Variants in NBL1 observed in about 807,000 individuals in gnomAD.
NBL1 encodes NBL1, DAN family BMP antagonist, also known as neuroblastoma suppressor of tumorigenicity 1.
NBL1 carries 9 observed loss-of-function variants against 16.0 expected under a neutral mutation model. That is an observed-to-expected ratio of 0.56 (90% CI 0.34 to 0.98). NBL1 has a LOEUF of 0.98. NBL1 is among the 50% of genes least tolerant of loss of function. NBL1 has a pLI of 0.02. For synonymous variants in NBL1, 86 were observed against 100.7 expected (o/e 0.85, Z 0.87); for missense variants, 196 against 243.1 (o/e 0.81, Z 1.29).
chr1:19,654,095 T>C (rs917363495), intron 1 of NBL1, among the ~76,000 whole-genome samples: 1 of 152,204 alleles, frequency 6.6e-6, no homozygotes, highest in African/African-American at 2.4e-5. Flanking sequence ...GCCTGAGGTC[T>C]GGCCAGCCAA....
Position 19,646,267 on chromosome 1 carries a change from G to T in NBL1, c.-20+1821G>T, listed in dbSNP as rs2094979746. ...GCTGGAGCCAGGCTCCTCCCTGGGG[G>T]ATCTGCTGAAATGGACGTTCCCAGG... On this transcript the variant is annotated intron_variant, in intron 1 of 3. Coordinates refer to ENST00000375136, the MANE Select transcript of NBL1 (RefSeq NM_005380.8). 2.0e-5 allele frequency among the ~76,000 whole-genome samples: 3 copies of T among 152,368 alleles called. No homozygotes were observed. In the South Asian group the frequency reaches 6.2e-4, roughly 32 times the overall value.
chr1:19,657,250 C>A lies in NBL1; in HGVS notation c.*121C>A. ...CACTGGATGGACTTGGCTTCAGACT[C>A]GGACTTGAATGCTGCCCGGTTGCCA... On this transcript the variant is annotated 3_prime_UTR_variant, in exon 4 of 4. Transcript: ENST00000375136. The A allele has an allele frequency of 1.8e-6, 1 of 568,884 alleles. No individual in the cohort carries two copies. The highest frequency in any genetic ancestry group is 3.1e-6 in the Non-Finnish European group (1 of 319,296). The allele number at this position is 568,884 out of a possible 1,614,324, so 35.2% of individuals were successfully genotyped here.
At chr1:19,643,664 C>A, upstream of NBL1, 1 of 1,246,254 alleles carries the variant, frequency 8.0e-7, no homozygotes, top group Non-Finnish European at 1.0e-6. This position sits in a 1 kb window ranked among gnomAD's most constrained non-coding sequence, Gnocchi z 4.7. Context: ...CTAATAAGTC[C>A]CTGGGGCTTT....
chr1:19,651,110 C>G (rs2095022554), intron 1 of NBL1, among the ~76,000 whole-genome samples: 1 of 152,210 alleles, frequency 6.6e-6, no homozygotes, highest in African/African-American at 2.4e-5. Context: ...GCAATGCTTC[C>G]CATGTTAGGG....
intron 1 of NBL1, among the ~76,000 whole-genome samples, chr1:19,652,415 C>T (rs976577787): frequency 6.6e-6 from 1 of 152,034 alleles, no homozygotes; most frequent in Admixed American, 6.6e-5. Context: ...ACCGGAAATG[C>T]GTGGGTGAGG....
Position 19,645,747 on chromosome 1 carries a change from G to T in NBL1, c.-20+1301G>T. On this transcript the variant is annotated intron_variant, in intron 1 of 3. Coordinates refer to ENST00000375136, the MANE Select transcript of NBL1 (RefSeq NM_005380.8). ...CCCTCTCCACCCACCCCTGCAAGCT[G>T]GACCTCTCTCCCGGGCCTGTGTTTT... 2.2e-6 allele frequency: 3 copies of T among 1,367,078 alleles called. No individual in the cohort carries two copies. In the South Asian group the frequency reaches 4.5e-5, roughly 21 times the overall value. The allele number at this position is 1,367,078 out of a possible 1,614,324, so 84.7% of individuals were successfully genotyped here.
At chr1:19,645,926 C>T (rs1359201426) in intron 1 of NBL1, 1 of 1,550,092 alleles carries the variant, frequency 6.5e-7, no homozygotes, top group Non-Finnish European at 8.7e-7. Context: ...TTGGTGAGGT[C>T]TGCAGTGGAA....
chr1:19,649,879 T>G (rs528093345), intron 1 of NBL1, among the ~76,000 whole-genome samples: 1 of 152,244 alleles, frequency 6.6e-6, no homozygotes, highest in South Asian at 2.1e-4. Context: ...CAGGCTGGTC[T>G]TGAATTCCTG....
chr1:19,650,278 G>A (rs546320249), intron 1 of NBL1, among the ~76,000 whole-genome samples: 53 of 152,210 alleles, frequency 3.5e-4, no homozygotes, highest in Non-Finnish European at 6.8e-4. Context: ...GCTAACTGAC[G>A]CATGACTATA....
intron 1 of NBL1, among the ~76,000 whole-genome samples, chr1:19,646,973 A>G (rs562425020): frequency 6.6e-6 from 1 of 152,366 alleles, no homozygotes; most frequent in African/African-American, 2.4e-5. Flanking sequence ...GAGGGGCAGA[A>G]GGGAGCAGGC....
chr1:19,653,651 C>T (rs1225466556), intron 1 of NBL1, among the ~76,000 whole-genome samples: 3 of 152,230 alleles, frequency 2.0e-5, no homozygotes, highest in Non-Finnish European at 4.4e-5. Flanking sequence ...GGTGGGGAAA[C>T]AGGTCTGAGT....
chr1:19,657,376 G>GC lies in NBL1; in HGVS notation c.*247_*248insC, dbSNP rs1558369434. The GC allele has an allele frequency of 2.7e-4, 71 of 265,646 alleles. No homozygotes were observed. The highest frequency in any genetic ancestry group is 1.5e-3 in the African/African-American group (66 of 44,542). The allele number at this position is 265,646 out of a possible 1,614,324, so 16.5% of individuals were successfully genotyped here. ...GTCTTCAGGGCTCTTTTTTTGGGGGGGGTGGTCTCTTCCTGTCTGGCTTCT... is the reference window on the plus strand; with the variant it reads ...GTCTTCAGGGCTCTTTTTTTGGGGGGCGGTGGTCTCTTCCTGTCTGGCTTCT... On this transcript the variant is annotated 3_prime_UTR_variant, in exon 4 of 4. Coordinates refer to ENST00000375136, the MANE Select transcript of NBL1 (RefSeq NM_005380.8).
rs2100454736 is a variant in NBL1, at chr1:19,657,462, A to T, written c.*333A>T. 1 of 171,892 alleles carries T rather than the reference A, an allele frequency of 5.8e-6. No individual in the cohort carries two copies. The highest frequency in any genetic ancestry group is 2.4e-5 in the African/African-American group (1 of 42,140). 10.6% of individuals were successfully genotyped at this position (171,892 alleles called of 1,614,324 possible). On this transcript the variant is annotated 3_prime_UTR_variant, in exon 4 of 4. Transcript: ENST00000375136. ...GAGCCATTGAGTGCTGGGGGAGGCC[A>T]TCCAAGATGGCATGAATCGGGCTAA...
chr1:19,653,688 C>T (rs1157730516), intron 1 of NBL1, among the ~76,000 whole-genome samples: 2 of 152,224 alleles, frequency 1.3e-5, no homozygotes, highest in African/African-American at 4.8e-5. Context: ...ACACGTGGAC[C>T]CATGCCCTTT....
intron 1 of NBL1, chr1:19,645,610 G>T (rs1553312941): frequency 1.9e-6 from 2 of 1,063,794 alleles, no homozygotes; most frequent in Non-Finnish European, 2.3e-6. Flanking sequence ...TTGTTACTGC[G>T]GAATGGGGCC....
At position 19,644,479 on chromosome 1, in the gene NBL1, C is replaced by G. The variant is rs2094965546; in HGVS notation, c.-20+33C>G. On this transcript the variant is annotated intron_variant, in intron 1 of 3. Coordinates refer to ENST00000375136, the MANE Select transcript of NBL1 (RefSeq NM_005380.8). The surrounding 1 kb of genome is among the most constrained non-coding windows in gnomAD (Gnocchi z 4.6). ...CCGCCCGGGTCGGCACGCGGGCGCC[C>G]GGCTTCCAGAGGCTTCGGCCGCGGG... 6.1e-6 allele frequency: 6 copies of G among 976,404 alleles called. No homozygotes were observed. Among genetic ancestry groups the G allele is most frequent in the African/African-American group, 3.5e-5 (2 of 56,596 alleles). The allele number at this position is 976,404 out of a possible 1,614,324, so 60.5% of individuals were successfully genotyped here.
chr1:19,646,607 C>T (rs1055567952), intron 1 of NBL1, among the ~76,000 whole-genome samples: 4 of 152,178 alleles, frequency 2.6e-5, no homozygotes, highest in African/African-American at 9.7e-5. Flanking sequence ...GCGATCGCCC[C>T]GCCCTTGCCA....
At chr1:19,655,483 C>G (rs1355746607) in intron 3 of NBL1, 48 bp downstream of exon 3, 1 of 1,593,406 alleles carries the variant, frequency 6.3e-7, no homozygotes, top group East Asian at 2.3e-5. Context: ...GGAGCCTGCC[C>G]CAGCCTTGGC....
rs1011452743 is a variant in NBL1 at position 19,657,246 on chromosome 1, G to C, written c.*117G>C. ...TTGGCACTGGATGGACTTGGCTTCA[G>C]ACTCGGACTTGAATGCTGCCCGGTT... On this transcript the variant is annotated 3_prime_UTR_variant, in exon 4 of 4. Coordinates refer to ENST00000375136, the MANE Select transcript of NBL1 (RefSeq NM_005380.8). 5.2e-6 allele frequency: 3 copies of C among 577,134 alleles called. No homozygotes were observed. The African/African-American group carries it at 5.6e-5, about 11-fold the overall frequency. 35.8% of individuals were successfully genotyped at this position (577,134 alleles called of 1,614,324 possible). A position where few individuals can be genotyped will look rare whatever the true frequency, so the allele number is the denominator to read the frequency against.
Sources: allele counts gnomAD v4.1 joint callset (sites outside exome capture counted in the v4.1 genomes callset), GRCh38; gene constraint gnomAD v4.1.1; non-coding constraint Gnocchi (gnomAD v3.1); transcripts MANE v1.5; gene names NCBI Gene and HGNC (gene_info 2026-07-23, HGNC 2026-07-21).